PLCB1: variants seen among roughly 807,000 people sequenced by gnomAD.
The protein encoded by PLCB1 is phospholipase C beta 1, also known as 1-phosphatidylinositol 4,5-bisphosphate phosphodiesterase beta-1.
PLCB1 carries 46 observed loss-of-function variants against 161.8 expected under a neutral mutation model. That is an observed-to-expected ratio of 0.28 (90% CI 0.22 to 0.36). The LOEUF (loss-of-function observed/expected upper bound fraction) is 0.36, where lower values mean the gene tolerates loss of function less well. Among genes scored for constraint, PLCB1 ranks in the 10% least tolerant of loss-of-function variants. The probability of loss-of-function intolerance (pLI) is 1.00; values close to 1 mark genes in which losing one functional copy is unlikely to be tolerated. For missense variants in PLCB1, 1,016 were observed against 1,472.5 expected, an observed-to-expected ratio of 0.69 and a Z score of 5.07; for synonymous variants, 517 against 503.7, an observed-to-expected ratio of 1.03 and a Z score of -0.35.
intron 2 of PLCB1, among the ~76,000 whole-genome samples, chr20:8,179,547 G>C (rs1003211625): frequency 1.3e-5 from 2 of 152,142 alleles, no homozygotes; most frequent in Non-Finnish European, 2.9e-5. Flanking sequence ...AGAGGCAATA[G>C]GGTTTTCTAG....
chr20:8,192,696 G>A (rs2051982382), intron 2 of PLCB1, among the ~76,000 whole-genome samples: 1 of 151,984 alleles, frequency 6.6e-6, no homozygotes, highest in Non-Finnish European at 1.5e-5. Flanking sequence ...TTCAGGGGAT[G>A]GGGAGATATC....
At chr20:8,344,881 AAAAGATATAAGCATTGGTG>A (rs1411095356) in intron 2 of PLCB1, among the ~76,000 whole-genome samples, 1 of 152,248 alleles carries the variant, frequency 6.6e-6, no homozygotes, top group African/African-American at 2.4e-5. Context: ...TTAAAAGAAG[AAAAGATATAAGCATTGGTG>A]AAAGTGAGCA....
intron 2 of PLCB1, among the ~76,000 whole-genome samples, chr20:8,269,227 C>A (rs945899653): frequency 1.3e-5 from 2 of 152,096 alleles, no homozygotes; most frequent in African/African-American, 4.8e-5. Context: ...AATGCTATCC[C>A]TACCCCATCC....
At chr20:8,871,667 A>T (rs1324061188) in intron 31 of PLCB1, among the ~76,000 whole-genome samples, 1 of 152,210 alleles carries the variant, frequency 6.6e-6, no homozygotes, top group East Asian at 1.9e-4. Context: ...TGACAAATGC[A>T]TCAAAATCAA....
chr20:8,407,253 GA>G (rs913630980), intron 3 of PLCB1, among the ~76,000 whole-genome samples: 15 of 152,034 alleles, frequency 9.9e-5, no homozygotes, highest in East Asian at 5.8e-4. Context: ...TGATAGGCTG[GA>G]AAAAAACTCC....
At chr20:8,853,617 T>G (rs545135213) in intron 31 of PLCB1, among the ~76,000 whole-genome samples, 29 of 152,300 alleles carry the variant, frequency 1.9e-4, no homozygotes, top group African/African-American at 6.5e-4. Context: ...GTTTCCAGCT[T>G]TTGCCTATTA....
In PLCB1 at chr20:8,884,132, C is replaced by T. The variant is rs1988092149; in HGVS notation, c.*2283C>T. ...ATTTTACAATATGTTTGTATTTGGC[C>T]ATTTACTGTAATCACATTTTTATAT... On this transcript the variant is annotated 3_prime_UTR_variant, in exon 32 of 32. Coordinates refer to ENST00000338037, the MANE Select transcript of PLCB1 (RefSeq NM_015192.4). 6.6e-6 allele frequency: 1 copy of T among 152,374 alleles called. No individual in the cohort carries two copies. The highest frequency in any genetic ancestry group is 1.5e-5 in the Non-Finnish European group (1 of 68,006). The allele number at this position is 152,374 out of a possible 1,614,324, so 9.4% of individuals were successfully genotyped here.
chr20:8,584,085 T>C (rs1270241370), intron 3 of PLCB1, among the ~76,000 whole-genome samples: 1 of 152,206 alleles, frequency 6.6e-6, no homozygotes, highest in East Asian at 1.9e-4. Flanking sequence ...GTAAATTAAC[T>C]ACAAGAAGAA....
At chr20:8,385,447 C>G (rs557894505) in intron 3 of PLCB1, among the ~76,000 whole-genome samples, 1 of 152,210 alleles carries the variant, frequency 6.6e-6, no homozygotes, top group Non-Finnish European at 1.5e-5. Context: ...GGGAGCTTAG[C>G]GTGACAGGCA....
chr20:8,724,005 A>G (rs1016366058), intron 15 of PLCB1, among the ~76,000 whole-genome samples: 2 of 151,384 alleles, frequency 1.3e-5, no homozygotes, highest in Non-Finnish European at 2.9e-5. Context: ...GTGAATTCTT[A>G]ATTTACGAAT....
At chr20:8,827,728 G>A (rs6086615) in intron 31 of PLCB1, among the ~76,000 whole-genome samples, 33,104 of 152,056 alleles carry the variant, frequency 0.22, 4,245 homozygotes, top group Middle Eastern at 0.32. Flanking sequence ...GCCTCTGTTT[G>A]CACAGCCAGT....
intron 11 of PLCB1, among the ~76,000 whole-genome samples, chr20:8,703,871 A>G (rs984707997): frequency 6.6e-6 from 1 of 152,184 alleles, no homozygotes; most frequent in Non-Finnish European, 1.5e-5. Context: ...GGAAGATACG[A>G]GAGAGATTTG....
At chr20:8,330,594 G>A (rs901084339) in intron 2 of PLCB1, among the ~76,000 whole-genome samples, 3 of 152,158 alleles carry the variant, frequency 2.0e-5, no homozygotes, top group Non-Finnish European at 2.9e-5. Context: ...TGCATGTCAG[G>A]CTATGGAGCT....
rs796318352 is a variant in PLCB1, at chr20:8,541,605, A to AAAGAAAGAAGG, written c.247-86686_247-86685insAAAGAAGGAAG. ...GAAAGAAAGAAAGAAAGAAAGAAAG[A>AAAGAAAGAAGG]AAGGAAGGAAGATAGTAATGAAATG... On this transcript the variant is annotated intron_variant, in intron 3 of 31. Coordinates refer to ENST00000338037, the MANE Select transcript of PLCB1 (RefSeq NM_015192.4). Among the ~76,000 whole-genome samples, 5 of 149,992 alleles carry AAAGAAAGAAGG rather than the reference A, an allele frequency of 3.3e-5. No individual in the cohort carries two copies. In the South Asian group the frequency reaches 8.5e-4, roughly 26 times the overall value.
chr20:8,724,172 T>C (rs6056042), intron 15 of PLCB1, among the ~76,000 whole-genome samples: 32,245 of 73,884 alleles, frequency 0.44, 4,906 homozygotes, highest in African/African-American at 0.61. Context: ...CATAAGTTTA[T>C]TTATATAAAA....
chr20:8,196,096 G>T (rs2052021195), intron 2 of PLCB1, among the ~76,000 whole-genome samples: 1 of 151,894 alleles, frequency 6.6e-6, no homozygotes, highest in Non-Finnish European at 1.5e-5. Flanking sequence ...CAGCATGGGG[G>T]AACCCGCCCC....
At chr20:8,156,328 A>G (rs2051561799) in intron 2 of PLCB1, among the ~76,000 whole-genome samples, 1 of 152,170 alleles carries the variant, frequency 6.6e-6, no homozygotes, top group Non-Finnish European at 1.5e-5. Context: ...CCAGTTACCC[A>G]CAGTGGCAAC....
chr20:8,558,127 C>G (rs1986022952), intron 3 of PLCB1, among the ~76,000 whole-genome samples: 1 of 151,128 alleles, frequency 6.6e-6, no homozygotes, highest in African/African-American at 2.4e-5. Flanking sequence ...TGATTATAGT[C>G]AAAAATAATT....
chr20:8,724,661 T>C lies in PLCB1; in HGVS notation c.1587T>C (p.Thr529=), dbSNP rs764015484. The C allele has an allele frequency of 1.9e-6, 3 of 1,569,352 alleles. No homozygotes were observed. In the Admixed American group the frequency reaches 5.0e-5, roughly 26 times the overall value. ...DCKKSSMDEG[T]AGSEAMATEE... is the part of the protein sequence containing the mutation. Reference sequence around the variant, plus strand: ...TTTTTTATTCCTACTTCCAGGGGACTGCTGGAAGTGAGGCTATGGCCACAG... The same window carrying C: ...TTTTTTATTCCTACTTCCAGGGGACCGCTGGAAGTGAGGCTATGGCCACAG... The change falls in exon 16 of 32, where the codon ACT becomes ACC. Residue 529 remains threonine (T), a synonymous_variant. Transcript: ENST00000338037.
Sources: allele counts gnomAD v4.1 joint callset (sites outside exome capture counted in the v4.1 genomes callset), GRCh38; gene constraint gnomAD v4.1.1; transcripts MANE v1.5; gene names NCBI Gene and HGNC (gene_info 2026-07-23, HGNC 2026-07-21).